The following RAB31 variants were observed in gnomAD, a reference collection of about 807,000 sequenced individuals.
RAB31 encodes ras-related protein Rab-31.
RAB31 carries 21 observed loss-of-function variants against 25.6 expected under a neutral mutation model. The ratio of observed to expected loss-of-function variants is 0.82; its 90% CI spans 0.58 to 1.18. The LOEUF (loss-of-function observed/expected upper bound fraction) is 1.18, where lower values mean the gene tolerates loss of function less well. Among genes scored for constraint, RAB31 ranks in the 50% most tolerant of loss-of-function variants. The pLI, the probability that RAB31 is intolerant of heterozygous loss-of-function variation, is 0.00. For synonymous variants in RAB31, 87 were observed against 84.0 expected, an observed-to-expected ratio of 1.04 and a Z score of -0.20; for missense variants, 196 against 250.1, an observed-to-expected ratio of 0.78 and a Z score of 1.46.
chr18:9,731,178 C>T (rs1258720147), intron 1 of RAB31, among the ~76,000 whole-genome samples: 1 of 152,032 alleles, frequency 6.6e-6, no homozygotes, highest in Non-Finnish European at 1.5e-5. Flanking sequence ...CTCCTGGACT[C>T]AAGTGATCGT....
At chr18:9,740,357 T>G (rs1214487510) in intron 1 of RAB31, among the ~76,000 whole-genome samples, 1 of 152,252 alleles carries the variant, frequency 6.6e-6, no homozygotes, top group Non-Finnish European at 1.5e-5. Flanking sequence ...TTAATTTGCA[T>G]TATTGCATCA....
At chr18:9,831,801 G>A (rs2068679985) in intron 5 of RAB31, among the ~76,000 whole-genome samples, 1 of 152,204 alleles carries the variant, frequency 6.6e-6, no homozygotes, top group African/African-American at 2.4e-5. Context: ...TCTCGAACAC[G>A]GGGTGCCTCC....
At chr18:9,730,971 T>C (rs905084710) in intron 1 of RAB31, among the ~76,000 whole-genome samples, 1 of 152,242 alleles carries the variant, frequency 6.6e-6, no homozygotes, top group African/African-American at 2.4e-5. Flanking sequence ...AGCCAACAAC[T>C]CTTGAGTTTT....
intron 1 of RAB31, among the ~76,000 whole-genome samples, chr18:9,722,520 G>A (rs889672560): frequency 3.3e-5 from 5 of 152,208 alleles, no homozygotes; most frequent in Admixed American, 6.5e-5. Flanking sequence ...GTGGAAGGTC[G>A]TTGGCTTTAT....
At chr18:9,856,650 C>T (rs1239141526) in intron 6 of RAB31, among the ~76,000 whole-genome samples, 1 of 152,128 alleles carries the variant, frequency 6.6e-6, no homozygotes, top group East Asian at 1.9e-4. Flanking sequence ...AATGTCAACT[C>T]CTTTTACTGA....
intron 2 of RAB31, among the ~76,000 whole-genome samples, chr18:9,784,518 T>C (rs936736685): frequency 1.3e-5 from 2 of 151,958 alleles, no homozygotes; most frequent in Non-Finnish European, 2.9e-5. Context: ...TTAGATGATA[T>C]TGATGTATAT....
chr18:9,821,288 A>G lies in RAB31; in HGVS notation c.380+6066A>G, dbSNP rs1471418273. Among the ~76,000 whole-genome samples the G allele has an allele frequency of 2.0e-5, 3 of 152,052 alleles. No individual in the cohort carries two copies. The East Asian group carries it at 5.8e-4, about 29-fold the overall frequency. The stretch of plus-strand genomic sequence containing the variant: ...TCTGTCCTGGGGAATGTTCTAAGTG[A>G]GCCCGATGACACTAAGTTTTTAAGA... On this transcript the variant is annotated intron_variant, in intron 5 of 6. Coordinates refer to ENST00000578921, the MANE Select transcript of RAB31 (RefSeq NM_006868.4).
At chr18:9,806,975 G>A (rs2068544836) in intron 3 of RAB31, among the ~76,000 whole-genome samples, 1 of 152,188 alleles carries the variant, frequency 6.6e-6, no homozygotes, top group Admixed American at 6.5e-5. Context: ...TTCAAAACAG[G>A]ATCTCTCTGG....
intron 3 of RAB31, among the ~76,000 whole-genome samples, chr18:9,809,949 C>G (rs549417104): frequency 5.2e-4 from 79 of 152,322 alleles, no homozygotes; most frequent in African/African-American, 1.5e-3. Flanking sequence ...GCTGAGCAGC[C>G]GGAGAAGCTC....
At chr18:9,743,638 G>A (rs16955490) in intron 1 of RAB31, among the ~76,000 whole-genome samples, 26,871 of 152,104 alleles carry the variant, frequency 0.18, 2,613 homozygotes, top group Non-Finnish European at 0.2. Flanking sequence ...GGGGATCTGC[G>A]TTCTCAGGCC....
intron 3 of RAB31, among the ~76,000 whole-genome samples, chr18:9,805,071 A>G (rs970669814): frequency 7.2e-5 from 11 of 151,818 alleles, no homozygotes; most frequent in African/African-American, 2.4e-4. Context: ...GGGCAATATA[A>G]TGAGACTCCC....
chr18:9,838,658 C>A (rs558193871), intron 5 of RAB31, among the ~76,000 whole-genome samples: 2 of 152,288 alleles, frequency 1.3e-5, no homozygotes, highest in South Asian at 2.1e-4. Flanking sequence ...GTAGCACAGG[C>A]CTGTTGGAAA....
Position 9,859,446 on chromosome 18 carries a change from GCATCCTGGAAGA to G in RAB31, c.*123_*134del. On this transcript the variant is annotated 3_prime_UTR_variant, in exon 7 of 7. Coordinates refer to ENST00000578921, the MANE Select transcript of RAB31 (RefSeq NM_006868.4). ...TGAGAAGAGTGAGCACACTGGCTTT[GCATCCTGGAAGA>G]CCTGCAGGGGGCGGGGCAGGAAATG... 1 of 810,868 alleles carries G rather than the reference GCATCCTGGAAGA, an allele frequency of 1.2e-6. No homozygotes were observed. Among genetic ancestry groups the G allele is most frequent in the Non-Finnish European group, 1.9e-6 (1 of 523,538 alleles). 50.2% of individuals were successfully genotyped at this position (810,868 alleles called of 1,614,324 possible). A position where few individuals can be genotyped will look rare whatever the true frequency, so the allele number is the denominator to read the frequency against.
At chr18:9,799,097 G>A (rs79342924) in intron 3 of RAB31, among the ~76,000 whole-genome samples, 2,849 of 152,188 alleles carry the variant, frequency 0.019, 99 homozygotes, top group African/African-American at 0.065. Flanking sequence ...AAAAAAATTT[G>A]TTAGAGATGA....
chr18:9,775,532 T>C (rs990204700), intron 2 of RAB31, among the ~76,000 whole-genome samples, 175 bp downstream of exon 2: 1 of 140,656 alleles, frequency 7.1e-6, no homozygotes, highest in African/African-American at 2.8e-5. Context: ...GTGTCCAGGC[T>C]TACTGTCCCT....
intron 1 of RAB31, among the ~76,000 whole-genome samples, chr18:9,763,500 G>A (rs2068299043): frequency 6.6e-6 from 1 of 151,294 alleles, no homozygotes; most frequent in East Asian, 1.9e-4. Flanking sequence ...ATTAGGAAAT[G>A]AATAAATAGG....
intron 2 of RAB31, among the ~76,000 whole-genome samples, chr18:9,780,854 C>G (rs938832057): frequency 2.6e-5 from 4 of 152,216 alleles, no homozygotes; most frequent in Non-Finnish European, 5.9e-5. Context: ...TCGCTCGAAC[C>G]CGGGAGGCAA....
intron 1 of RAB31, among the ~76,000 whole-genome samples, chr18:9,722,153 C>G (rs1474991874): frequency 1.3e-5 from 2 of 152,100 alleles, no homozygotes; most frequent in Non-Finnish European, 2.9e-5. Flanking sequence ...GTCTTGCGGG[C>G]TGGTGTAGGA....
intron 1 of RAB31, among the ~76,000 whole-genome samples, chr18:9,729,364 A>G (rs2068110697): frequency 6.6e-6 from 1 of 152,008 alleles, no homozygotes. Context: ...CATCTGTACT[A>G]AAAATATAAA....
Sources: gnomAD v4.1 joint callset for allele counts (sites outside exome capture counted in the v4.1 genomes callset) on GRCh38, gnomAD v4.1.1 for gene constraint, MANE v1.5 for transcripts, NCBI Gene and HGNC (gene_info 2026-07-23, HGNC 2026-07-21) for gene names.